Variants in RFX3 observed in about 807,000 individuals in gnomAD.
RFX3 encodes the protein transcription factor RFX3.
In RFX3, 14 loss-of-function variants were observed where a neutral mutation model predicts 98.6. The ratio of observed to expected loss-of-function variants is 0.14; its 90% CI spans 0.09 to 0.22. RFX3 has a LOEUF of 0.22. RFX3 is among the 10% of genes least tolerant of loss of function. The probability of loss-of-function intolerance (pLI) is 1.00; values close to 1 mark genes in which losing one functional copy is unlikely to be tolerated. For missense variants in RFX3, 639 were observed against 926.9 expected (o/e 0.69, Z 4.03); for synonymous variants, 383 against 328.4 (o/e 1.17, Z -1.80).
At chr9:3,429,115 C>G (rs958069374) in intron 1 of RFX3, among the ~76,000 whole-genome samples, 1 of 151,000 alleles carries the variant, frequency 6.6e-6, no homozygotes, top group Non-Finnish European at 1.5e-5. Flanking sequence ...CTCCGCCTCC[C>G]GGGTTCATGC....
At chr9:3,456,469 C>G (rs1847162154) in intron 1 of RFX3, among the ~76,000 whole-genome samples, 1 of 152,220 alleles carries the variant, frequency 6.6e-6, no homozygotes. Flanking sequence ...AGCTTTTGCT[C>G]CCAGCTTTAT....
intron 2 of RFX3, among the ~76,000 whole-genome samples, chr9:3,380,294 C>G (rs1440263819): frequency 6.6e-6 from 1 of 152,176 alleles, no homozygotes; most frequent in Non-Finnish European, 1.5e-5. Flanking sequence ...AGAAGTACCA[C>G]CCTCTCTAGA....
At chr9:3,411,806 A>C (rs1015563946) in intron 1 of RFX3, among the ~76,000 whole-genome samples, 3 of 151,320 alleles carry the variant, frequency 2.0e-5, no homozygotes, top group African/African-American at 7.3e-5. Context: ...TCCCTTCTCT[A>C]CCTTTCCTCC....
At chr9:3,247,676 T>C (rs942520850) in intron 15 of RFX3, 17 of 1,458,796 alleles carry the variant, frequency 1.2e-5, no homozygotes, top group Admixed American at 2.8e-5. Flanking sequence ...ATTTAATCCT[T>C]TCCATTGTAT....
At chr9:3,285,587 A>G (rs754194043) in intron 7 of RFX3, among the ~76,000 whole-genome samples, 21 of 151,648 alleles carry the variant, frequency 1.4e-4, no homozygotes, top group African/African-American at 2.9e-4. Context: ...CTGCTGCCCT[A>G]TAAGAGAGGC....
At chr9:3,262,574 T>C (rs1273234673) in intron 13 of RFX3, among the ~76,000 whole-genome samples, 1 of 152,182 alleles carries the variant, frequency 6.6e-6, no homozygotes, top group Admixed American at 6.5e-5. Flanking sequence ...GTGGGGAAAG[T>C]GAAGCCTAGA....
intron 1 of RFX3, among the ~76,000 whole-genome samples, chr9:3,404,308 G>T (rs1470961895): frequency 1.3e-5 from 2 of 151,968 alleles, no homozygotes; most frequent in Admixed American, 6.6e-5. Flanking sequence ...TATACACTTG[G>T]AATAAAGACT....
chr9:3,224,990 G>A lies in RFX3; in HGVS notation c.*52C>T. ...CAGGCTTATTAAATTTTCAACTTAA[G>A]CCCAATATCAACAGGGTTAATGTAA... On this transcript the variant is annotated 3_prime_UTR_variant, in exon 17 of 17. Transcript: ENST00000617270. The A allele has an allele frequency of 1.9e-6, 3 of 1,546,858 alleles. No homozygotes were observed. Among genetic ancestry groups the A allele is most frequent in the Non-Finnish European group, 1.8e-6 (2 of 1,125,340 alleles).
rs145296785 is a variant in RFX3, at chr9:3,406,598, A to G, written c.-8-11002T>C. On this transcript the variant is annotated intron_variant, in intron 1 of 16. Transcript: ENST00000617270. The stretch of plus-strand genomic sequence containing the variant: ...TAGCCACAGTGCCCAATATATACAC[A>G]GAATCTTTGATTTGTTGAAAGAACA... 6.3e-3 allele frequency among the ~76,000 whole-genome samples: 964 copies of G among 152,274 alleles called. 14 individuals carry two copies. Among genetic ancestry groups the G allele is most frequent in the African/African-American group, 0.022 (900 of 41,568 alleles).
chr9:3,495,711 T>C (rs2133573421), intron 1 of RFX3, among the ~76,000 whole-genome samples: 1 of 152,168 alleles, frequency 6.6e-6, no homozygotes, highest in South Asian at 2.1e-4. Context: ...ATCAAGGCAA[T>C]GTTAAGCATG....
chr9:3,393,206 T>C (rs1840497724), intron 2 of RFX3, among the ~76,000 whole-genome samples: 1 of 152,098 alleles, frequency 6.6e-6, no homozygotes, highest in Non-Finnish European at 1.5e-5. Context: ...AATATCAGAA[T>C]AACAGGTTTA....
intron 16 of RFX3, among the ~76,000 whole-genome samples, chr9:3,226,769 G>A (rs1817827200): frequency 6.6e-6 from 1 of 152,088 alleles, no homozygotes; most frequent in African/African-American, 2.4e-5. Context: ...TGCATGATAT[G>A]TTTTGGTTTT....
intron 1 of RFX3, among the ~76,000 whole-genome samples, chr9:3,484,185 C>T (rs1450301925): frequency 6.6e-6 from 1 of 152,172 alleles, no homozygotes; most frequent in African/African-American, 2.4e-5. Flanking sequence ...AAACCATTTT[C>T]AAACCCTTTG....
intron 1 of RFX3, among the ~76,000 whole-genome samples, chr9:3,476,817 G>A (rs916892895): frequency 9.9e-5 from 15 of 152,148 alleles, no homozygotes; most frequent in East Asian, 1.9e-4. Context: ...TTAAAGCACC[G>A]GATATTAAGG....
intron 1 of RFX3, among the ~76,000 whole-genome samples, chr9:3,494,740 A>C (rs954031803): frequency 6.6e-6 from 1 of 152,152 alleles, no homozygotes; most frequent in Admixed American, 6.5e-5. Flanking sequence ...ACTGGTGTAC[A>C]TTTTTATAAA....
chr9:3,345,583 C>A (rs1289233610), intron 3 of RFX3, among the ~76,000 whole-genome samples: 1 of 152,088 alleles, frequency 6.6e-6, no homozygotes, highest in Non-Finnish European at 1.5e-5. Context: ...TTCCTTGTAT[C>A]CTTGCAAAAA....
chr9:3,450,561 T>C (rs947070794), intron 1 of RFX3, among the ~76,000 whole-genome samples: 1 of 152,204 alleles, frequency 6.6e-6, no homozygotes, highest in Non-Finnish European at 1.5e-5. Flanking sequence ...TTATTCTTTA[T>C]ATAAATATGA....
chr9:3,247,126 A>T (rs1820781326), intron 15 of RFX3: 2 of 985,336 alleles, frequency 2.0e-6, no homozygotes, highest in Non-Finnish European at 1.2e-6. Flanking sequence ...AATTTGTCAC[A>T]TTTAATAATC....
At chr9:3,236,832 T>A (rs1023051162) in intron 15 of RFX3, among the ~76,000 whole-genome samples, 7 of 152,212 alleles carry the variant, frequency 4.6e-5, no homozygotes, top group African/African-American at 9.7e-5. Context: ...TGCCAGCAAA[T>A]GGTAACTTTA....
Sources: allele counts gnomAD v4.1 joint callset (sites outside exome capture counted in the v4.1 genomes callset), GRCh38; gene constraint gnomAD v4.1.1; transcripts MANE v1.5; gene names NCBI Gene and HGNC (gene_info 2026-07-23, HGNC 2026-07-21).